The following RNF19B variants were observed in gnomAD, a reference collection of about 807,000 sequenced individuals.
RNF19B encodes ring finger protein 19B, also known as E3 ubiquitin-protein ligase RNF19B.
RNF19B carries 23 observed loss-of-function variants against 65.5 expected under a neutral mutation model. The ratio of observed to expected loss-of-function variants is 0.35; its 90% CI spans 0.25 to 0.50. The LOEUF (loss-of-function observed/expected upper bound fraction) is 0.50, where lower values mean the gene tolerates loss of function less well. RNF19B is among the 20% of genes least tolerant of loss of function. The probability of loss-of-function intolerance (pLI) is 0.98; values close to 1 mark genes in which losing one functional copy is unlikely to be tolerated. For missense variants in RNF19B, 794 were observed against 980.0 expected (o/e 0.81, Z 2.53); for synonymous variants, 372 against 379.6 (o/e 0.98, Z 0.23).
intron 1 of RNF19B, among the ~76,000 whole-genome samples, chr1:32,958,927 C>T (rs1642706977): frequency 6.6e-6 from 1 of 151,822 alleles, no homozygotes; most frequent in African/African-American, 2.4e-5. Flanking sequence ...GGTTGGTGTA[C>T]GTGCACAAGA....
At chr1:32,956,063 C>G (rs1642631968) in intron 1 of RNF19B, among the ~76,000 whole-genome samples, 1 of 152,074 alleles carries the variant, frequency 6.6e-6, no homozygotes. Flanking sequence ...AATCCCATCT[C>G]TACGAAAGAC....
chr1:32,942,258 T>C lies in RNF19B; in HGVS notation c.1604A>G (p.Tyr535Cys), dbSNP rs1570086713. ...GGILSSGKGK[Y>C]SRLEVQADVQ... ...AAATTATCTATTTGTTTACCTGCTA[T>C]ATTTTCCCTTGCCACTGGAGAGAAT... is the stretch of plus-strand genomic sequence containing the variant. Residue 535 changes from tyrosine (Y) to cysteine (C), a missense_variant, in exon 7 of 9, where the codon TAT becomes TGT. This residue lies in a region of RNF19B where 368 missense variants were observed against 447.3 expected (regional missense o/e 0.82). Transcript: ENST00000235150. 2 of 1,605,360 alleles carry C rather than the reference T, an allele frequency of 1.2e-6. No individual in the cohort carries two copies.
intron 1 of RNF19B, among the ~76,000 whole-genome samples, chr1:32,960,050 CA>C (rs879348172): frequency 7.3e-4 from 99 of 135,738 alleles, no homozygotes; most frequent in Non-Finnish European, 6.4e-4. Flanking sequence ...GACTCCGTCT[CA>C]AAAAAAAAAA....
chr1:32,934,402 C>T (rs138116506), downstream of RNF19B, among the ~76,000 whole-genome samples: 13 of 152,202 alleles, frequency 8.5e-5, no homozygotes, highest in South Asian at 1.7e-3. Context: ...ATCTGAGGGC[C>T]GGGCGAGGTG....
chr1:32,955,599 G>A (rs577607485), intron 1 of RNF19B, among the ~76,000 whole-genome samples: 6 of 151,944 alleles, frequency 3.9e-5, no homozygotes, highest in African/African-American at 1.4e-4. Context: ...AGCTAGGCGT[G>A]GTGGTGCATG....
At chr1:32,950,820 A>T (rs1642477289) in intron 1 of RNF19B, among the ~76,000 whole-genome samples, 1 of 150,588 alleles carries the variant, frequency 6.6e-6, no homozygotes. Flanking sequence ...TACAGGCATG[A>T]GCCACCATGC....
chr1:32,951,152 C>T (rs979891859), intron 1 of RNF19B, among the ~76,000 whole-genome samples: 1 of 152,000 alleles, frequency 6.6e-6, no homozygotes, highest in Non-Finnish European at 1.5e-5. Context: ...CATTTTTTTT[C>T]TTCAAGTAAA....
At chr1:32,933,832 T>A (rs963096022), downstream of RNF19B, among the ~76,000 whole-genome samples, 2 of 152,130 alleles carry the variant, frequency 1.3e-5, no homozygotes, top group African/African-American at 4.8e-5. Context: ...GATCATCATC[T>A]CCATTTTGGC....
intron 1 of RNF19B, among the ~76,000 whole-genome samples, chr1:32,952,275 T>C (rs1041798824): frequency 6.6e-6 from 1 of 151,862 alleles, no homozygotes; most frequent in Non-Finnish European, 1.5e-5. Context: ...CAGATTACTC[T>C]AACAAGAAAT....
intron 1 of RNF19B, among the ~76,000 whole-genome samples, chr1:32,959,169 T>G (rs1447236405): frequency 6.6e-6 from 1 of 152,148 alleles, no homozygotes; most frequent in Non-Finnish European, 1.5e-5. Flanking sequence ...GGAAGGCCAA[T>G]AGCTGATACT....
intron 1 of RNF19B, among the ~76,000 whole-genome samples, chr1:32,956,904 T>C (rs1005672040): frequency 1.3e-5 from 2 of 152,168 alleles, no homozygotes; most frequent in African/African-American, 4.8e-5. Flanking sequence ...GTGGTAGACA[T>C]GCGCCAACTT....
intron 8 of RNF19B, among the ~76,000 whole-genome samples, chr1:32,938,116 C>A (rs779920661): frequency 8.6e-6 from 1 of 116,232 alleles, no homozygotes; most frequent in Non-Finnish European, 1.7e-5. Flanking sequence ...TGTAATTATA[C>A]ACTGTTGCAA....
At chr1:32,951,707 T>C (rs1642503616) in intron 1 of RNF19B, among the ~76,000 whole-genome samples, 1 of 152,222 alleles carries the variant, frequency 6.6e-6, no homozygotes, top group South Asian at 2.1e-4. Context: ...TGAAATGTCT[T>C]GATAGGCTCC....
chr1:32,941,910 A>C (rs994615978), intron 7 of RNF19B, among the ~76,000 whole-genome samples: 1 of 152,198 alleles, frequency 6.6e-6, no homozygotes, highest in Non-Finnish European at 1.5e-5. Flanking sequence ...ATCCTAGCTA[A>C]CATGGTGAAA....
At chr1:32,955,719 A>G (rs1417002765) in intron 1 of RNF19B, among the ~76,000 whole-genome samples, 1 of 151,046 alleles carries the variant, frequency 6.6e-6, no homozygotes, top group African/African-American at 2.4e-5. Flanking sequence ...ACTGCACTCC[A>G]GCCTGGGAGA....
chr1:32,938,136 A>C (rs1034550081), intron 8 of RNF19B, among the ~76,000 whole-genome samples: 71 of 146,836 alleles, frequency 4.8e-4, no homozygotes, highest in Non-Finnish European at 7.6e-4. Flanking sequence ...ATAGCCAAGA[A>C]AGACAAAAAA....
chr1:32,935,081 T>C (rs372238478), downstream of RNF19B, among the ~76,000 whole-genome samples: 7 of 151,572 alleles, frequency 4.6e-5, no homozygotes, highest in South Asian at 2.1e-4. Context: ...TCACCCGCCT[T>C]GGCCTCCCAA....
downstream of RNF19B, among the ~76,000 whole-genome samples, chr1:32,933,252 T>A (rs1046237965): frequency 2.9e-5 from 4 of 137,610 alleles, no homozygotes; most frequent in African/African-American, 1.1e-4. Context: ...TAAGCTATTA[T>A]TATTATTTTT....
chr1:32,938,410 T>C lies in RNF19B; in HGVS notation c.1729A>G (p.Asn577Asp), dbSNP rs371063419. 1.2e-6 allele frequency: 2 copies of C among 1,614,076 alleles called. No homozygotes were observed. The highest frequency in any genetic ancestry group is 2.2e-5 in the East Asian group (1 of 44,898). ...AMAGSIISSY[N>D]PQDRECNNME... ...CTGTTCACATACCTGTCCTGTGGGT[T>C]GTAGGAACTGATTATGGAACCGGCC... Residue 577 changes from asparagine to aspartate, a missense_variant, in exon 8 of 9, where the codon AAC (asparagine) becomes GAC (aspartate). Around this residue, in one of 3 missense-constraint regions of RNF19B, gnomAD observed 368 missense variants for 447.3 expected, o/e 0.82. Coordinates refer to ENST00000235150, the MANE Select transcript of RNF19B (RefSeq NM_001300826.2).
Sources: allele counts gnomAD v4.1 joint callset (sites outside exome capture counted in the v4.1 genomes callset), GRCh38; gene constraint gnomAD v4.1.1; regional missense constraint gnomAD v4.1.1; transcripts MANE v1.5; gene names NCBI Gene and HGNC (gene_info 2026-07-23, HGNC 2026-07-21).